The following SPAST variants were observed in gnomAD, a reference collection of about 807,000 sequenced individuals.
SPAST encodes the protein spastin.
A neutral mutation model predicts 76.6 loss-of-function variants in SPAST; 30 were observed. That is an observed-to-expected ratio of 0.39 (90% CI 0.29 to 0.53). The LOEUF (loss-of-function observed/expected upper bound fraction) is 0.53, where lower values mean the gene tolerates loss of function less well. Among genes scored for constraint, SPAST ranks in the 20% least tolerant of loss-of-function variants. SPAST has a pLI of 0.68. For synonymous variants in SPAST, 305 were observed against 281.0 expected (o/e 1.09, Z -0.86); for missense variants, 717 against 770.5 (o/e 0.93, Z 0.82).
In SPAST at chr2:32,064,018, C is replaced by G; in HGVS notation, c.187C>G (p.Leu63Val). 6.2e-7 allele frequency: 1 copy of G among 1,613,514 alleles called. No homozygotes were observed. The highest frequency in any genetic ancestry group is 8.5e-7 in the Non-Finnish European group (1 of 1,179,600). ...FSYPLFVGFA[L>V]LRLVAFHLGL... ...CTACCCGCTGTTTGTAGGCTTCGCG[C>G]TGCTGCGTTTGGTCGCCTTCCACCT... The change falls in exon 1 of 17, where the codon CTG (leucine) becomes GTG (valine). Residue 63 changes from leucine to valine, a missense_variant. Transcript: ENST00000315285.
Position 32,148,789 on chromosome 2 carries a change from C to T in SPAST, c.1728+1531C>T, listed in dbSNP as rs367831994. Among the ~76,000 whole-genome samples the T allele has an allele frequency of 2.6e-4, 37 of 144,940 alleles. 1 individual carries two copies. In the South Asian group the frequency reaches 5.9e-3, roughly 23 times the overall value. On this transcript the variant is annotated intron_variant, in intron 16 of 16. Coordinates refer to ENST00000315285, the MANE Select transcript of SPAST (RefSeq NM_014946.4). ...TCGTGCCACTGCACTCCAGCCTGGGCGACAGAGCAAGACTCCATCTCAAAA... is the reference window on the plus strand; with the variant it reads ...TCGTGCCACTGCACTCCAGCCTGGGTGACAGAGCAAGACTCCATCTCAAAA...
At chr2:32,078,807 T>A (rs1321705178) in intron 1 of SPAST, among the ~76,000 whole-genome samples, 1 of 152,216 alleles carries the variant, frequency 6.6e-6, no homozygotes, top group Non-Finnish European at 1.5e-5. Context: ...ATTTGCAATC[T>A]TTTTCACTTA....
chr2:32,156,606 C>G lies in SPAST; in HGVS notation c.*2110C>G, dbSNP rs1680262362. The stretch of plus-strand genomic sequence containing the variant: ...ATATGATGAAAAGAATTGAGAAGTT[C>G]TAAATTAAGACATTTCAGTTAAGCT... On this transcript the variant is annotated 3_prime_UTR_variant, in exon 17 of 17. Transcript: ENST00000315285. 6.6e-6 allele frequency: 1 copy of G among 152,032 alleles called. No homozygotes were observed. The highest frequency in any genetic ancestry group is 1.5e-5 in the Non-Finnish European group (1 of 68,010). 9.4% of individuals were successfully genotyped at this position (152,032 alleles called of 1,614,324 possible).
chr2:32,090,088 C>A (rs990859392), intron 3 of SPAST, among the ~76,000 whole-genome samples: 1 of 152,180 alleles, frequency 6.6e-6, no homozygotes, highest in Admixed American at 6.5e-5. Flanking sequence ...TCTAATTATT[C>A]TTCTCTCAGC....
chr2:32,143,799 G>T (rs1679799061), intron 14 of SPAST, among the ~76,000 whole-genome samples: 1 of 152,234 alleles, frequency 6.6e-6, no homozygotes, highest in South Asian at 2.1e-4. Context: ...AGCTACTTGG[G>T]AGGTTGATGT....
chr2:32,092,443 TAA>T (rs1417601864), intron 3 of SPAST, among the ~76,000 whole-genome samples: 2 of 152,298 alleles, frequency 1.3e-5, no homozygotes, highest in Middle Eastern at 3.4e-3. Flanking sequence ...TCAAAATTAA[TAA>T]GAGTTGGTTT....
chr2:32,107,239 T>C (rs957400348), intron 4 of SPAST, among the ~76,000 whole-genome samples: 3 of 151,924 alleles, frequency 2.0e-5, no homozygotes, highest in Non-Finnish European at 4.4e-5. Flanking sequence ...AAAATTCGAC[T>C]CTTTTTTTTT....
At chr2:32,122,693 A>G (rs1679059323) in intron 7 of SPAST, among the ~76,000 whole-genome samples, 1 of 151,872 alleles carries the variant, frequency 6.6e-6, no homozygotes, top group African/African-American at 2.4e-5. Context: ...TAATCCCAGC[A>G]CTTTCAGAGG....
At position 32,077,573 on chromosome 2, in the gene SPAST, C is replaced by G. The variant is rs557091036; in HGVS notation, c.416-9919C>G. Among the ~76,000 whole-genome samples the G allele has an allele frequency of 1.1e-4, 16 of 152,220 alleles. No individual in the cohort carries two copies. The East Asian group carries it at 2.9e-3, about 28-fold the overall frequency. On this transcript the variant is annotated intron_variant, in intron 1 of 16. Transcript: ENST00000315285. ...GGAGTTTGACGCCCAGACAGATTAA[C>G]TGACTTTTCCAAAATCATATTGCTA...
chr2:32,144,552 C>G (rs1226502790), intron 14 of SPAST, among the ~76,000 whole-genome samples: 1 of 152,122 alleles, frequency 6.6e-6, no homozygotes, highest in Non-Finnish European at 1.5e-5. Context: ...AGTTTTTACT[C>G]TTATTATATG....
chr2:32,128,416 A>G lies in SPAST; in HGVS notation c.1182A>G (p.Ala394=), dbSNP rs1679264088. Residue 394 remains alanine, a synonymous_variant, in exon 9 of 17, where the codon GCA becomes GCG. Coordinates refer to ENST00000315285, the MANE Select transcript of SPAST (RefSeq NM_014946.4). ...PGNGKTMLAK[A]VAAESNATFF... is the part of the protein sequence containing the mutation. ...TCTTGTGATTTTTAAAGGCTAAAGC[A>G]GTAGCTGCAGAATCGAATGCAACCT... The G allele has an allele frequency of 6.2e-7, 1 of 1,609,578 alleles. No individual in the cohort carries two copies. The highest frequency in any genetic ancestry group is 8.5e-7 in the Non-Finnish European group (1 of 1,175,934).
chr2:32,079,503 C>T (rs1415860968), intron 1 of SPAST, among the ~76,000 whole-genome samples: 1 of 116,326 alleles, frequency 8.6e-6, no homozygotes, highest in Non-Finnish European at 1.8e-5. Flanking sequence ...GAGACCCAGT[C>T]TAAAAAAAAA....
chr2:32,074,843 C>A (rs750264968), intron 1 of SPAST, among the ~76,000 whole-genome samples: 2 of 152,004 alleles, frequency 1.3e-5, no homozygotes, highest in African/African-American at 4.8e-5. Flanking sequence ...TTACCCTTTT[C>A]GAACTGTGGG....
chr2:32,124,160 T>C (rs1486428683), intron 7 of SPAST, among the ~76,000 whole-genome samples: 1 of 152,130 alleles, frequency 6.6e-6, no homozygotes, highest in South Asian at 2.1e-4. Context: ...CAAAGAACTT[T>C]TAAAACTCAA....
chr2:32,097,630 A>G (rs925066274), intron 3 of SPAST, among the ~76,000 whole-genome samples: 6 of 151,086 alleles, frequency 4.0e-5, no homozygotes, highest in African/African-American at 1.5e-4. Flanking sequence ...GACAATCCTT[A>G]TAGTTTCATT....
intron 4 of SPAST, among the ~76,000 whole-genome samples, chr2:32,106,043 T>TC (rs1678306981): frequency 6.6e-6 from 1 of 152,212 alleles, no homozygotes. Context: ...TGTTCAGCTA[T>TC]CCCATGTCCC....
chr2:32,078,819 C>T (rs1677079592), intron 1 of SPAST, among the ~76,000 whole-genome samples: 2 of 151,952 alleles, frequency 1.3e-5, no homozygotes, highest in African/African-American at 2.4e-5. Flanking sequence ...TTTCACTTAC[C>T]ATATTTTGGA....
chr2:32,089,273 C>G (rs1313221122), intron 2 of SPAST, among the ~76,000 whole-genome samples: 2 of 145,418 alleles, frequency 1.4e-5, no homozygotes, highest in African/African-American at 5.1e-5. Context: ...CTCCTGGGCT[C>G]AAGTGATTCT....
intron 4 of SPAST, among the ~76,000 whole-genome samples, chr2:32,100,153 C>T (rs549201186): frequency 6.4e-4 from 97 of 152,262 alleles, no homozygotes; most frequent in African/African-American, 2.0e-3. Context: ...TCACTTTCTA[C>T]ACATCCTCAC....
Sources: allele counts gnomAD v4.1 joint callset (sites outside exome capture counted in the v4.1 genomes callset), GRCh38; gene constraint gnomAD v4.1.1; transcripts MANE v1.5; gene names NCBI Gene and HGNC (gene_info 2026-07-23, HGNC 2026-07-21).